The following SLC26A7 variants were observed in gnomAD, a reference collection of about 807,000 sequenced individuals.
SLC26A7 encodes solute carrier family 26 member 7.
Under a neutral mutation model 82.5 loss-of-function variants are expected in SLC26A7, and 59 were observed. That is an observed-to-expected ratio of 0.72 (90% CI 0.58 to 0.89). The LOEUF (loss-of-function observed/expected upper bound fraction) is 0.89. SLC26A7 is among the 40% of genes least tolerant of loss of function. The pLI, the probability that SLC26A7 is intolerant of heterozygous loss-of-function variation, is 0.00. For missense variants in SLC26A7, 820 were observed against 793.0 expected, an observed-to-expected ratio of 1.03 and a Z score of -0.41; for synonymous variants, 271 against 274.3, an observed-to-expected ratio of 0.99 and a Z score of 0.12.
intron 15 of SLC26A7, among the ~76,000 whole-genome samples, chr8:91,379,664 A>T (rs1298605173): frequency 6.6e-6 from 1 of 152,086 alleles, no homozygotes; most frequent in Non-Finnish European, 1.5e-5. Flanking sequence ...TATGAGGTAG[A>T]TCAATCTCAA....
At chr8:91,212,359 A>G (rs1288480227) in intron 1 of SLC26A7, among the ~76,000 whole-genome samples, 1 of 152,088 alleles carries the variant, frequency 6.6e-6, no homozygotes, top group Non-Finnish European at 1.5e-5. Context: ...AGATTCCTTT[A>G]AAGTTGAATA....
At position 91,340,446 on chromosome 8, in the gene SLC26A7, G is replaced by A. The variant is rs146029279; in HGVS notation, c.921G>A (p.Ala307=). Residue 307 remains alanine (A), a synonymous_variant, in exon 8 of 19, where the codon GCG becomes GCA. Transcript: ENST00000276609. Reference sequence around the variant, plus strand: ...CTCCCCCGATGAACATCCTCTCTGCGGTGATCACTGAAGCTTTCGGAGTGG... The same window carrying A: ...CTCCCCCGATGAACATCCTCTCTGCAGTGATCACTGAAGCTTTCGGAGTGG... ...PRAPPMNILS[A]VITEAFGVAL... The A allele has an allele frequency of 3.0e-5, 49 of 1,613,754 alleles. No homozygotes were observed. The African/African-American group carries it at 4.3e-4, about 14-fold the overall frequency.
intron 4 of SLC26A7, among the ~76,000 whole-genome samples, chr8:91,306,160 A>T (rs572440403): frequency 6.6e-6 from 1 of 152,188 alleles, no homozygotes; most frequent in South Asian, 2.1e-4. Context: ...TTTGATCCTC[A>T]TACTCTTCCC....
chr8:91,393,742 T>C, intron 16 of SLC26A7, 55 bp from the exon 17 acceptor site: 2 of 1,578,228 alleles, frequency 1.3e-6, no homozygotes, highest in Non-Finnish European at 1.7e-6. Context: ...CCATCTTATT[T>C]CCTCCTGCTG....
chr8:91,367,684 A>C (rs192416309), intron 14 of SLC26A7, among the ~76,000 whole-genome samples: 11 of 152,328 alleles, frequency 7.2e-5, no homozygotes, highest in South Asian at 6.2e-4. Context: ...AATAAAGGCA[A>C]AGCACTTAGA....
intron 4 of SLC26A7, among the ~76,000 whole-genome samples, chr8:91,309,758 A>G (rs1195421731): frequency 6.6e-6 from 1 of 152,100 alleles, no homozygotes; most frequent in Non-Finnish European, 1.5e-5. Flanking sequence ...TTGGGGTTTT[A>G]TATGCTGGCA....
intron 4 of SLC26A7, among the ~76,000 whole-genome samples, chr8:91,307,985 C>T (rs1812369691): frequency 6.6e-6 from 1 of 152,054 alleles, no homozygotes; most frequent in Non-Finnish European, 1.5e-5. Flanking sequence ...AAGCATGAGC[C>T]ACCATGCCTG....
chr8:91,394,801 A>G (rs1808524309), intron 18 of SLC26A7: 1 of 920,072 alleles, frequency 1.1e-6, no homozygotes, highest in Non-Finnish European at 1.5e-6. Flanking sequence ...TGAGGTAGAT[A>G]TGATAATTTA....
intron 2 of SLC26A7, chr8:91,219,021 A>G (rs1810111115): frequency 2.2e-6 from 3 of 1,374,238 alleles, no homozygotes; most frequent in Non-Finnish European, 2.0e-6. Flanking sequence ...GTGCTCATTC[A>G]TAGCCTCACT....
At chr8:91,249,495 ATC>A (rs374824026) in intron 1 of SLC26A7, 42 bp from the exon 2 acceptor site, 6,321 of 409,626 alleles carry the variant, frequency 0.015, no homozygotes, top group South Asian at 0.021. Context: ...GCTTCTGTTA[ATC>A]TCTCTCTCTC....
Position 91,374,935 on chromosome 8 carries a change from G to A in SLC26A7, c.1675+5102G>A, listed in dbSNP as rs533789485. Among the ~76,000 whole-genome samples, 6 of 152,040 alleles carry A rather than the reference G, an allele frequency of 3.9e-5. No individual in the cohort carries two copies. The East Asian group carries it at 7.7e-4, about 20-fold the overall frequency. On this transcript the variant is annotated intron_variant, in intron 15 of 18. Transcript: ENST00000276609. ...TCACTGTTTGATGCATATATATTTA[G>A]GGGTAGTTAAATCTTGTTGAATTGA...
chr8:91,321,639 C>G (rs755370474), intron 5 of SLC26A7, among the ~76,000 whole-genome samples: 1 of 152,090 alleles, frequency 6.6e-6, no homozygotes, highest in Non-Finnish European at 1.5e-5. Flanking sequence ...TTTTATTTAG[C>G]CTTCCTAAAT....
chr8:91,229,010 T>C (rs2130671840), intron 2 of SLC26A7, among the ~76,000 whole-genome samples: 1 of 152,348 alleles, frequency 6.6e-6, no homozygotes, highest in East Asian at 1.9e-4. Context: ...TATCCAAACT[T>C]AGGAGTGGAC....
chr8:91,237,843 CT>C (rs760168337), intron 2 of SLC26A7, among the ~76,000 whole-genome samples: 7 of 152,152 alleles, frequency 4.6e-5, no homozygotes, highest in Non-Finnish European at 8.8e-5. Flanking sequence ...AAATTCCAGA[CT>C]TTTCTAAGCC....
intron 1 of SLC26A7, among the ~76,000 whole-genome samples, chr8:91,217,031 T>C (rs1177545614): frequency 1.3e-5 from 2 of 152,148 alleles, no homozygotes; most frequent in Non-Finnish European, 2.9e-5. Context: ...TCTTGCTTAA[T>C]ATGCAGCCTA....
At chr8:91,286,843 C>A (rs184675377) in intron 2 of SLC26A7, among the ~76,000 whole-genome samples, 365 of 152,088 alleles carry the variant, frequency 2.4e-3, no homozygotes, top group African/African-American at 8.2e-3. Flanking sequence ...TATTATGAAC[C>A]AGAATAATAA....
intron 2 of SLC26A7, chr8:91,219,208 T>G (rs920204151): frequency 4.4e-5 from 16 of 363,804 alleles, no homozygotes; most frequent in Non-Finnish European, 7.8e-5. Flanking sequence ...TTTTTTGGCT[T>G]AAAAAAGTAC....
At chr8:91,394,722 C>T (rs1314402180) in intron 18 of SLC26A7, 10 of 1,098,808 alleles carry the variant, frequency 9.1e-6, no homozygotes, top group Non-Finnish European at 1.0e-5. Context: ...ATATTGAGTG[C>T]CCTCATTATA....
intron 7 of SLC26A7, among the ~76,000 whole-genome samples, chr8:91,338,834 G>C (rs1813317458): frequency 6.6e-6 from 1 of 152,066 alleles, no homozygotes; most frequent in Non-Finnish European, 1.5e-5. Context: ...AAGGAGGACA[G>C]TGTCTTATGG....
Sources: gnomAD v4.1 joint callset for allele counts (sites outside exome capture counted in the v4.1 genomes callset) on GRCh38, gnomAD v4.1.1 for gene constraint, MANE v1.5 for transcripts, NCBI Gene and HGNC (gene_info 2026-07-23, HGNC 2026-07-21) for gene names.